PIAS1: variants seen among roughly 807,000 people sequenced by gnomAD.
PIAS1 encodes the protein protein inhibitor of activated STAT 1, also known as E3 SUMO-protein ligase PIAS1.
PIAS1 carries 6 observed loss-of-function variants against 71.3 expected under a neutral mutation model. That is an observed-to-expected ratio of 0.08 (90% CI 0.05 to 0.17). The LOEUF (loss-of-function observed/expected upper bound fraction) is 0.17, where lower values mean the gene tolerates loss of function less well. PIAS1 is among the 10% of genes least tolerant of loss of function. The pLI is 1.00. For synonymous variants in PIAS1, 303 were observed against 292.9 expected, an observed-to-expected ratio of 1.03 and a Z score of -0.35; for missense variants, 555 against 793.6, an observed-to-expected ratio of 0.70 and a Z score of 3.61.
At chr15:68,179,564 C>CTTTTTTTGTTTTTTTTTTTTTTTT (rs2093040261) in intron 11 of PIAS1, among the ~76,000 whole-genome samples, 2 of 40,094 alleles carry the variant, frequency 5.0e-5, no homozygotes, top group Admixed American at 3.4e-4. Flanking sequence ...GTGAAATGTT[C>CTTTTTTTGTTTTTTTTTTTTTTTT]TTTTTTTTTT....
intron 1 of PIAS1, among the ~76,000 whole-genome samples, chr15:68,059,726 A>AAAAAAG (rs2091937507): frequency 6.6e-6 from 1 of 151,788 alleles, no homozygotes; most frequent in African/African-American, 2.4e-5. Flanking sequence ...AAAAAAAAAA[A>AAAAAAG]AAAAGAAAGC....
chr15:68,176,712 G>A, intron 11 of PIAS1, 58 bp downstream of exon 11: 9 of 1,155,250 alleles, frequency 7.8e-6, no homozygotes, highest in African/African-American at 1.6e-5. Context: ...TGGCAAATAG[G>A]GATTAAAGAC....
intron 2 of PIAS1, among the ~76,000 whole-genome samples, chr15:68,127,617 A>G (rs2092659872): frequency 6.6e-6 from 1 of 152,060 alleles, no homozygotes; most frequent in Admixed American, 6.6e-5. Context: ...ATTCTTTTAC[A>G]ACACAAAAAC....
Position 68,192,979 on chromosome 15 carries a change from G to C in PIAS1, c.*5144G>C, listed in dbSNP as rs1774603073. 1 of 152,320 alleles carries C rather than the reference G, an allele frequency of 6.6e-6. No homozygotes were observed. The highest frequency in any genetic ancestry group is 2.1e-4 in the South Asian group (1 of 4,826). 9.4% of individuals were successfully genotyped at this position (152,320 alleles called of 1,614,324 possible). A position where few individuals can be genotyped will look rare whatever the true frequency, so the allele number is the denominator to read the frequency against. On this transcript the variant is annotated 3_prime_UTR_variant, in exon 14 of 14. Transcript: ENST00000249636. ...GGCAGCACCAACCTGGCACCTTCTA[G>C]CTGTGTAACTCACTCAAAGCCACTC...
At chr15:68,136,792 G>A (rs2092736659) in intron 2 of PIAS1, among the ~76,000 whole-genome samples, 1 of 152,068 alleles carries the variant, frequency 6.6e-6, no homozygotes, top group Non-Finnish European at 1.5e-5. Flanking sequence ...TAAAAATATA[G>A]CCCAAATGAA....
intron 10 of PIAS1, among the ~76,000 whole-genome samples, chr15:68,176,077 C>A (rs1403464124): frequency 6.6e-6 from 1 of 151,846 alleles, no homozygotes; most frequent in Non-Finnish European, 1.5e-5. Context: ...AGTAAAGGTT[C>A]TTTTTTCATT....
chr15:68,079,542 C>G (rs1193191215), intron 1 of PIAS1, among the ~76,000 whole-genome samples: 1 of 152,182 alleles, frequency 6.6e-6, no homozygotes, highest in Non-Finnish European at 1.5e-5. Context: ...TCACAGCTTA[C>G]CACAGCCTCG....
chr15:68,134,994 C>T (rs1399740831), intron 2 of PIAS1, among the ~76,000 whole-genome samples: 5 of 46,048 alleles, frequency 1.1e-4, no homozygotes, highest in Admixed American at 7.0e-4. Context: ...CCCTCCCGGA[C>T]GGGGCGGCTG....
intron 7 of PIAS1, among the ~76,000 whole-genome samples, chr15:68,163,217 A>G (rs1433994095): frequency 6.6e-6 from 1 of 152,228 alleles, no homozygotes; most frequent in African/African-American, 2.4e-5. Flanking sequence ...TTTTAAAATC[A>G]TATTTATAAG....
intron 2 of PIAS1, among the ~76,000 whole-genome samples, chr15:68,132,479 A>T (rs571595202): frequency 7.2e-5 from 11 of 152,222 alleles, no homozygotes; most frequent in African/African-American, 2.6e-4. Context: ...TGTCTCTAAA[A>T]AAAAAAGGAA....
intron 2 of PIAS1, among the ~76,000 whole-genome samples, chr15:68,120,305 T>G (rs1189721423): frequency 6.6e-6 from 1 of 152,208 alleles, no homozygotes; most frequent in Admixed American, 6.5e-5. Context: ...ATTGGGTTAT[T>G]TAGACTATTT....
chr15:68,166,640 T>C lies in PIAS1; in HGVS notation c.1008+1836T>C, dbSNP rs77792693. On this transcript the variant is annotated intron_variant, in intron 8 of 13. Transcript: ENST00000249636. ...TTTCTGCAATCTCACTTAAAAGTGT[T>C]TATAGTTGTACTAATATATATGATG... Among the ~76,000 whole-genome samples the C allele has an allele frequency of 6.2e-3, 944 of 152,294 alleles. 3 individuals carry two copies. Among genetic ancestry groups the C allele is most frequent in the East Asian group, 0.035 (183 of 5,190 alleles).
intron 1 of PIAS1, among the ~76,000 whole-genome samples, chr15:68,085,357 T>C (rs1455540483): frequency 2.6e-5 from 4 of 152,316 alleles, no homozygotes; most frequent in Middle Eastern, 3.4e-3. Flanking sequence ...GTATAGATGG[T>C]CATTTCCTAT....
rs148710982 is a variant in PIAS1, at chr15:68,072,913, T to G, written c.25-13393T>G. 2.2e-4 allele frequency among the ~76,000 whole-genome samples: 34 copies of G among 152,386 alleles called. No individual in the cohort carries two copies. In the East Asian group the frequency reaches 5.8e-3, roughly 26 times the overall value. On this transcript the variant is annotated intron_variant, in intron 1 of 13. Coordinates refer to ENST00000249636, the MANE Select transcript of PIAS1 (RefSeq NM_016166.3). ...CAGTTTTGCCCTTAAAACTAAAAAA[T>G]TATTGTTTGAACACTAGTTGCTGAG...
At chr15:68,094,427 A>G (rs1326445502) in intron 2 of PIAS1, among the ~76,000 whole-genome samples, 1 of 152,004 alleles carries the variant, frequency 6.6e-6, no homozygotes, top group Non-Finnish European at 1.5e-5. Flanking sequence ...AAAAGGGAAC[A>G]GATGCTTTAA....
chr15:68,117,709 A>G (rs2092577640), intron 2 of PIAS1, among the ~76,000 whole-genome samples: 1 of 152,164 alleles, frequency 6.6e-6, no homozygotes, highest in African/African-American at 2.4e-5. Context: ...GTGGCTGAAT[A>G]GTATTCTATC....
chr15:68,145,945 C>G (rs1233020736), intron 5 of PIAS1, 39 bp downstream of exon 5: 2 of 1,115,240 alleles, frequency 1.8e-6, no homozygotes, highest in Non-Finnish European at 1.4e-6. Flanking sequence ...TCATTGCCAA[C>G]ATAACTATCA....
intron 10 of PIAS1, 93 bp downstream of exon 10, chr15:68,175,860 G>A (rs1291775763): frequency 2.6e-6 from 2 of 782,596 alleles, no homozygotes; most frequent in African/African-American, 1.8e-5. Context: ...AAATCACTGA[G>A]CAGTTTGTGG....
intron 2 of PIAS1, among the ~76,000 whole-genome samples, chr15:68,127,749 A>G (rs943548565): frequency 6.6e-6 from 1 of 151,920 alleles, no homozygotes; most frequent in Non-Finnish European, 1.5e-5. Context: ...TTTTGTTTTC[A>G]TTTTATTTTA....
Sources: gnomAD v4.1 joint callset for allele counts (sites outside exome capture counted in the v4.1 genomes callset) on GRCh38, gnomAD v4.1.1 for gene constraint, MANE v1.5 for transcripts, NCBI Gene and HGNC (gene_info 2026-07-23, HGNC 2026-07-21) for gene names.